Variants in SCGB2B2 observed in about 807,000 individuals in gnomAD.
SCGB2B2 encodes secretoglobin-like protein.
SCGB2B2 carries 11 observed loss-of-function variants against 7.6 expected under a neutral mutation model. That is an observed-to-expected ratio of 1.45 (90% CI 0.91 to 2.40). The LOEUF (loss-of-function observed/expected upper bound fraction) is 2.40. Among genes scored for constraint, SCGB2B2 ranks in the 30% most tolerant of loss-of-function variants. SCGB2B2 has a pLI of 0.00. For synonymous variants in SCGB2B2, 50 were observed against 48.6 expected (o/e 1.03, Z -0.12); for missense variants, 104 against 115.4 (o/e 0.90, Z 0.45).
chr19:34,637,158 G>T (rs558809982), intron 1 of SCGB2B2, among the ~76,000 whole-genome samples: 1 of 152,256 alleles, frequency 6.6e-6, no homozygotes, highest in South Asian at 2.1e-4. Flanking sequence ...GGCAGAATTG[G>T]GGGCAGAGAG....
intron 1 of SCGB2B2, among the ~76,000 whole-genome samples, chr19:34,623,060 A>C (rs1235938310): frequency 6.6e-6 from 1 of 151,988 alleles, no homozygotes; most frequent in Non-Finnish European, 1.5e-5. Flanking sequence ...GGTCACATTT[A>C]GGGTCCTTTA....
At chr19:34,629,495 T>A (rs1490708957) in intron 1 of SCGB2B2, among the ~76,000 whole-genome samples, 13 of 151,790 alleles carry the variant, frequency 8.6e-5, no homozygotes, top group Non-Finnish European at 1.8e-4. Context: ...GAGAACCAAA[T>A]CGTGAGTGAA....
chr19:34,667,170 C>T (rs1349448056), intron 1 of SCGB2B2, among the ~76,000 whole-genome samples: 1 of 152,168 alleles, frequency 6.6e-6, no homozygotes, highest in East Asian at 1.9e-4. Context: ...CCCCACCTCT[C>T]ACCAAGCAAT....
At chr19:34,626,586 C>T (rs2066384760) in intron 1 of SCGB2B2, among the ~76,000 whole-genome samples, 1 of 152,132 alleles carries the variant, frequency 6.6e-6, no homozygotes, top group Non-Finnish European at 1.5e-5. Flanking sequence ...CGAACAAAGC[C>T]TCCAAGAAAT....
chr19:34,643,559 G>A (rs1217030473), intron 1 of SCGB2B2, among the ~76,000 whole-genome samples: 2 of 152,154 alleles, frequency 1.3e-5, no homozygotes, highest in African/African-American at 4.8e-5. Context: ...CAAAGTAGCT[G>A]GAAGGGAGGA....
intron 1 of SCGB2B2, among the ~76,000 whole-genome samples, chr19:34,625,921 C>T (rs112886486): frequency 0.029 from 4,377 of 152,270 alleles, 217 homozygotes; most frequent in African/African-American, 0.098. Context: ...TGAGACAAAA[C>T]TTTCAGAGGA....
chr19:34,635,278 C>T (rs1365020874), intron 1 of SCGB2B2: 2 of 286,682 alleles, frequency 7.0e-6, no homozygotes, highest in Non-Finnish European at 1.4e-5. Context: ...GGACTTTCTC[C>T]AGTGTGGACT....
chr19:34,599,002 G>A (rs1362768431), intron 1 of SCGB2B2, among the ~76,000 whole-genome samples: 1 of 152,268 alleles, frequency 6.6e-6, no homozygotes, highest in East Asian at 1.9e-4. Flanking sequence ...CTGCGGCCAG[G>A]CTGGCACCTG....
chr19:34,598,270 C>T (rs1025292430), intron 1 of SCGB2B2, among the ~76,000 whole-genome samples: 1 of 152,156 alleles, frequency 6.6e-6, no homozygotes, highest in African/African-American at 2.4e-5. Flanking sequence ...GTGCGGCACA[C>T]TGGGCTGCAG....
Position 34,592,530 on chromosome 19 carries a change from G to A in SCGB2B2, c.*1025C>T, listed in dbSNP as rs1394132267. ...GAGTCTAGGGCGGTGTGAGCTGATA[G>A]GGGTAGGCGACCACCGCCTGGGAGG... is the stretch of plus-strand genomic sequence containing the variant. On this transcript the variant is annotated 3_prime_UTR_variant, in exon 4 of 4. Coordinates refer to ENST00000601241, the MANE Select transcript of SCGB2B2 (RefSeq NM_001025591.4). 6.6e-6 allele frequency among the ~76,000 whole-genome samples: 1 copy of A among 151,864 alleles called. No individual in the cohort carries two copies. The highest frequency in any genetic ancestry group is 1.5e-5 in the Non-Finnish European group (1 of 67,942).
At chr19:34,673,735 C>T (rs977361733) in intron 1 of SCGB2B2, among the ~76,000 whole-genome samples, 6 of 152,100 alleles carry the variant, frequency 3.9e-5, no homozygotes, top group Admixed American at 1.3e-4. Context: ...TATATTGTTA[C>T]GGGTATTGGG....
At chr19:34,597,760 C>T (rs566349258) in intron 1 of SCGB2B2, among the ~76,000 whole-genome samples, 1 of 152,322 alleles carries the variant, frequency 6.6e-6, no homozygotes, top group African/African-American at 2.4e-5. Context: ...CTGTGAGCAG[C>T]AGCAGAGAGC....
At chr19:34,651,455 A>G (rs2067159842) in intron 1 of SCGB2B2, among the ~76,000 whole-genome samples, 1 of 151,402 alleles carries the variant, frequency 6.6e-6, no homozygotes, top group Non-Finnish European at 1.5e-5. Context: ...TACAAAATCA[A>G]CGTATTAAAA....
intron 1 of SCGB2B2, among the ~76,000 whole-genome samples, chr19:34,654,058 G>C (rs990101490): frequency 6.6e-6 from 1 of 151,064 alleles, no homozygotes; most frequent in African/African-American, 2.5e-5. Flanking sequence ...TTGGTTGTGA[G>C]ATGTGTTCAT....
chr19:34,636,267 G>A (rs189731442), intron 1 of SCGB2B2, among the ~76,000 whole-genome samples: 10 of 152,344 alleles, frequency 6.6e-5, no homozygotes, highest in Admixed American at 3.9e-4. Flanking sequence ...GCAGGAACAA[G>A]TACACAGGAC....
chr19:34,588,758 T>C (rs1233621879), downstream of SCGB2B2, among the ~76,000 whole-genome samples: 2 of 152,108 alleles, frequency 1.3e-5, no homozygotes, highest in African/African-American at 2.4e-5. Context: ...ACACAGGGCA[T>C]TGGTGACTTG....
chr19:34,627,289 C>T (rs569486854), intron 1 of SCGB2B2, among the ~76,000 whole-genome samples: 29 of 152,272 alleles, frequency 1.9e-4, no homozygotes, highest in Admixed American at 1.5e-3. Flanking sequence ...GGGCTAAATG[C>T]TCCAGTTAAA....
Position 34,671,009 on chromosome 19 carries a change from C to T in SCGB2B2, c.-2032+4621G>A, listed in dbSNP as rs185535887. On this transcript the variant is annotated intron_variant, in intron 1 of 3. Coordinates refer to ENST00000601241, the MANE Select transcript of SCGB2B2 (RefSeq NM_001025591.4). Reference sequence around the variant, plus strand: ...TGCAATCTTGGCTCACTTCAACCTCCGCCTCCCGGGTTCAAGCAGTTCTCT... The same window carrying T: ...TGCAATCTTGGCTCACTTCAACCTCTGCCTCCCGGGTTCAAGCAGTTCTCT... Among the ~76,000 whole-genome samples the T allele has an allele frequency of 8.3e-4, 127 of 152,240 alleles. 1 individual carries two copies. In the East Asian group the frequency reaches 0.015, roughly 18 times the overall value.
rs557416616 is a variant in SCGB2B2 at position 34,595,779 on chromosome 19, T to C, written c.-1216A>G. On this transcript the variant is annotated 5_prime_UTR_variant, in exon 2 of 4. Transcript: ENST00000601241. ...TTTTGTCTCCTGACAGGACCCTAAA[T>C]TGTAAGTGTGACCCCAGGGGCAGAA... is the stretch of plus-strand genomic sequence containing the variant. 1 of 152,320 alleles carries C rather than the reference T, an allele frequency of 6.6e-6. No homozygotes were observed. The highest frequency in any genetic ancestry group is 2.1e-4 in the South Asian group (1 of 4,816). 9.4% of individuals were successfully genotyped at this position (152,320 alleles called of 1,614,324 possible).
Sources: allele counts gnomAD v4.1 joint callset (sites outside exome capture counted in the v4.1 genomes callset), GRCh38; gene constraint gnomAD v4.1.1; transcripts MANE v1.5; gene names NCBI Gene and HGNC (gene_info 2026-07-23, HGNC 2026-07-21).